DPP6: variants seen among roughly 807,000 people sequenced by gnomAD.
DPP6 encodes the protein A-type potassium channel modulatory protein DPP6.
A neutral mutation model predicts 122.6 loss-of-function variants in DPP6; 69 were observed. That is an observed-to-expected ratio of 0.56 (90% CI 0.46 to 0.69). DPP6 has a LOEUF of 0.69. Among genes scored for constraint, DPP6 ranks in the 30% least tolerant of loss-of-function variants. The pLI is 0.00. For synonymous variants in DPP6, 418 were observed against 433.1 expected, an observed-to-expected ratio of 0.97 and a Z score of 0.43; for missense variants, 928 against 1,116.9, an observed-to-expected ratio of 0.83 and a Z score of 2.41.
chr7:153,812,726 C>G, the DPP6 span, among the ~76,000 whole-genome samples: 8 of 152,268 alleles, frequency 5.3e-5, no homozygotes, highest in Admixed American at 4.6e-4. Context: ...GGGATTCTTG[C>G]TCTTGACTCA....
At chr7:154,051,011 C>G (rs1800277551), upstream of DPP6, among the ~76,000 whole-genome samples, 1 of 139,834 alleles carries the variant, frequency 7.2e-6, no homozygotes, top group African/African-American at 2.7e-5. Context: ...GTTAGGGAAA[C>G]AGAGGGAGCA....
intron 5 of DPP6, among the ~76,000 whole-genome samples, chr7:154,594,754 G>A (rs898578262): frequency 1.3e-5 from 2 of 152,166 alleles, no homozygotes. Context: ...TCAAGGACAA[G>A]TTTCGGACTA....
intron 18 of DPP6, among the ~76,000 whole-genome samples, chr7:154,868,358 A>G (rs61026541): frequency 3.3e-5 from 5 of 152,144 alleles, no homozygotes; most frequent in South Asian, 2.1e-4. Flanking sequence ...ACAGACTCCA[A>G]CGCTCTCCTT....
intron 1 of DPP6, among the ~76,000 whole-genome samples, chr7:154,190,183 T>G (rs929499629): frequency 2.0e-5 from 3 of 152,232 alleles, no homozygotes; most frequent in Admixed American, 1.3e-4. Context: ...TTCACTGATA[T>G]ACTAGGTGCA....
At chr7:154,250,023 C>T (rs1802248077) in intron 1 of DPP6, among the ~76,000 whole-genome samples, 1 of 152,156 alleles carries the variant, frequency 6.6e-6, no homozygotes, top group South Asian at 2.1e-4. Context: ...AGATTACAGA[C>T]ATTGTGAAAA....
At chr7:153,944,941 A>T (rs1801878387) in intron 1 of DPP6, among the ~76,000 whole-genome samples, 1 of 151,992 alleles carries the variant, frequency 6.6e-6, no homozygotes, top group Admixed American at 6.6e-5. Context: ...GAACAAACCA[A>T]GCTGTTTTTT....
chr7:153,805,224 CT>C, the DPP6 span, among the ~76,000 whole-genome samples: 1 of 152,150 alleles, frequency 6.6e-6, no homozygotes, highest in South Asian at 2.1e-4. Flanking sequence ...AAGCAATGGT[CT>C]TTATTACAGT....
intron 21 of DPP6, chr7:154,884,636 C>T (rs1487342709): frequency 6.6e-6 from 1 of 151,734 alleles, no homozygotes; most frequent in Non-Finnish European, 1.5e-5. Context: ...CAGGCTCATA[C>T]ACATGCTCTT....
the DPP6 span, among the ~76,000 whole-genome samples, chr7:153,835,142 G>C: frequency 1.3e-5 from 2 of 152,188 alleles, no homozygotes; most frequent in Non-Finnish European, 2.9e-5. Flanking sequence ...ATTTATTTCT[G>C]TCTAACATAT....
chr7:154,504,536 G>A (rs1398690129), intron 3 of DPP6, among the ~76,000 whole-genome samples: 3 of 152,086 alleles, frequency 2.0e-5, no homozygotes, highest in Admixed American at 6.5e-5. Flanking sequence ...AAAGAGATGT[G>A]AGTACAAGAA....
At chr7:154,357,987 G>A (rs1563539336) in intron 1 of DPP6, among the ~76,000 whole-genome samples, 1 of 151,830 alleles carries the variant, frequency 6.6e-6, no homozygotes, top group Non-Finnish European at 1.5e-5. Context: ...TTTCTCGGAA[G>A]TGCTCCCTTG....
chr7:154,204,695 C>T (rs1355864491), intron 1 of DPP6, among the ~76,000 whole-genome samples: 1 of 152,050 alleles, frequency 6.6e-6, no homozygotes, highest in East Asian at 1.9e-4. Context: ...AAGTGTATTT[C>T]TTTTCTGTGG....
intron 1 of DPP6, among the ~76,000 whole-genome samples, chr7:154,086,208 A>G (rs1804405843): frequency 1.3e-5 from 2 of 152,046 alleles, no homozygotes; most frequent in South Asian, 2.1e-4. Context: ...TGAGAAGGGC[A>G]TAGCTCATCA....
At chr7:154,336,099 G>A (rs1158256406) in intron 1 of DPP6, among the ~76,000 whole-genome samples, 1 of 151,932 alleles carries the variant, frequency 6.6e-6, no homozygotes, top group African/African-American at 2.4e-5. Flanking sequence ...AGAACACAGG[G>A]CGTCAGTCAC....
At chr7:153,771,353 T>A in the DPP6 span, among the ~76,000 whole-genome samples, 1 of 152,168 alleles carries the variant, frequency 6.6e-6, no homozygotes, top group African/African-American at 2.4e-5. Flanking sequence ...TATTATTATT[T>A]TTTTGAGATG....
At chr7:154,588,679 G>C (rs1047771441) in intron 5 of DPP6, 3 of 149,442 alleles carry the variant, frequency 2.0e-5, no homozygotes, top group Non-Finnish European at 3.0e-5. Context: ...TCTAAAAAAA[G>C]GTTTTATTAA....
chr7:154,509,711 T>C (rs1825917211), intron 3 of DPP6, among the ~76,000 whole-genome samples: 1 of 152,128 alleles, frequency 6.6e-6, no homozygotes, highest in Non-Finnish European at 1.5e-5. Flanking sequence ...AGCCAAAAAG[T>C]GCAAACAACC....
In DPP6 at chr7:154,739,151, C is replaced by T. The variant is rs574718714; in HGVS notation, c.883+11264C>T. ...GACCCTGGCACTTCTACGCATGACTCATTGTCCAGAACACCTCATATGGTC... is the reference window on the plus strand; with the variant it reads ...GACCCTGGCACTTCTACGCATGACTTATTGTCCAGAACACCTCATATGGTC... On this transcript the variant is annotated intron_variant, in intron 8 of 25. Transcript: ENST00000377770. Among the ~76,000 whole-genome samples the T allele has an allele frequency of 2.4e-3, 368 of 152,290 alleles. 2 individuals carry two copies. The highest frequency in any genetic ancestry group is 8.4e-3 in the African/African-American group (348 of 41,566).
chr7:154,076,554 C>T (rs1310849655), intron 1 of DPP6, among the ~76,000 whole-genome samples: 1 of 149,812 alleles, frequency 6.7e-6, no homozygotes, highest in African/African-American at 2.5e-5. Context: ...TAGAATAAAG[C>T]CTGAGATTAA....
Sources: gnomAD v4.1 joint callset for allele counts (sites outside exome capture counted in the v4.1 genomes callset) on GRCh38, gnomAD v4.1.1 for gene constraint, MANE v1.5 for transcripts, NCBI Gene and HGNC (gene_info 2026-07-23, HGNC 2026-07-21) for gene names.